NPAS3: variants seen among roughly 807,000 people sequenced by gnomAD.
NPAS3 encodes neuronal PAS domain-containing protein 3.
NPAS3 carries 14 observed loss-of-function variants against 73.1 expected under a neutral mutation model. The ratio of observed to expected loss-of-function variants is 0.19; its 90% CI spans 0.13 to 0.30. The LOEUF (loss-of-function observed/expected upper bound fraction) is 0.30. Ranked by LOEUF, NPAS3 falls within the 10% of genes least tolerant of loss-of-function variation. The pLI is 1.00. For synonymous variants in NPAS3, 620 were observed against 541.5 expected (o/e 1.14, Z -2.01); for missense variants, 1,096 against 1,250.0 (o/e 0.88, Z 1.86).
chr14:33,155,117 T>C (rs1203036207), intron 2 of NPAS3, among the ~76,000 whole-genome samples: 7 of 152,228 alleles, frequency 4.6e-5, no homozygotes, highest in African/African-American at 1.7e-4. Context: ...CATAGTTTGC[T>C]GATCTTGGTT....
chr14:32,974,887 AC>A (rs1460013053), intron 1 of NPAS3, among the ~76,000 whole-genome samples: 1 of 152,208 alleles, frequency 6.6e-6, no homozygotes, highest in Non-Finnish European at 1.5e-5. Context: ...TCAGTATCAA[AC>A]AAAAACAAAT....
chr14:33,180,356 G>A (rs994639514), intron 2 of NPAS3, among the ~76,000 whole-genome samples: 1 of 138,070 alleles, frequency 7.2e-6, no homozygotes, highest in Non-Finnish European at 1.6e-5. Flanking sequence ...CACTATCACT[G>A]CACCATTCTG....
At chr14:33,628,529 A>G (rs1472143854) in intron 5 of NPAS3, among the ~76,000 whole-genome samples, 1 of 152,224 alleles carries the variant, frequency 6.6e-6, no homozygotes, top group East Asian at 1.9e-4. Context: ...ATTTAGTTCA[A>G]TGAATGATGT....
At chr14:33,145,751 C>T (rs1280347307) in intron 2 of NPAS3, among the ~76,000 whole-genome samples, 1 of 152,144 alleles carries the variant, frequency 6.6e-6, no homozygotes, top group Non-Finnish European at 1.5e-5. Flanking sequence ...ATGCCTGGCT[C>T]TTTTCATTCA....
chr14:33,569,744 C>G (rs1411121593), intron 5 of NPAS3, among the ~76,000 whole-genome samples: 1 of 152,186 alleles, frequency 6.6e-6, no homozygotes, highest in Non-Finnish European at 1.5e-5. Flanking sequence ...TGTTCCTACT[C>G]TACTTTCTTC....
At chr14:33,609,647 G>T (rs1257912463) in intron 5 of NPAS3, among the ~76,000 whole-genome samples, 1 of 152,044 alleles carries the variant, frequency 6.6e-6, no homozygotes, top group Non-Finnish European at 1.5e-5. Context: ...GCATCAAGAA[G>T]CAAGTTCATC....
intron 1 of NPAS3, among the ~76,000 whole-genome samples, chr14:32,946,342 A>ACAGG (rs1555374386): frequency 1.1e-5 from 1 of 89,382 alleles, no homozygotes; most frequent in Non-Finnish European, 2.5e-5. Context: ...CAACACACAC[A>ACAGG]CACGCGCACA....
intron 3 of NPAS3, among the ~76,000 whole-genome samples, chr14:33,251,978 C>T (rs2048599851): frequency 6.6e-6 from 1 of 151,678 alleles, no homozygotes; most frequent in South Asian, 2.1e-4. Context: ...TATTCATGCC[C>T]CAGATTCATA....
At chr14:33,770,599 C>T (rs1181844129) in intron 7 of NPAS3, among the ~76,000 whole-genome samples, 2 of 152,148 alleles carry the variant, frequency 1.3e-5, no homozygotes, top group Non-Finnish European at 2.9e-5. Context: ...CAGGAAAATA[C>T]CTTTTGTTAA....
intron 2 of NPAS3, among the ~76,000 whole-genome samples, chr14:33,079,120 G>A (rs1013696182): frequency 1.3e-5 from 2 of 151,998 alleles, no homozygotes; most frequent in Non-Finnish European, 2.9e-5. Context: ...GCTTCAGATG[G>A]CTTTCTTCTG....
chr14:33,580,198 TTACATATGCACAAAGCAAC>T lies in NPAS3; in HGVS notation c.558+19991_558+20009del, dbSNP rs139454817. On this transcript the variant is annotated intron_variant, in intron 5 of 11. Coordinates refer to ENST00000356141, the Ensembl canonical transcript of NPAS3. ...CAAACCAGGTAAATGCTGAATGGGC[TTACATATGCACAAAGCAAC>T]TAAGGGTCAGAGAACCAGCTTCCTG... Among the ~76,000 whole-genome samples, 1,053 of 152,290 alleles carry T rather than the reference TTACATATGCACAAAGCAAC, an allele frequency of 6.9e-3. 48 individuals carry two copies. In the East Asian group the frequency reaches 0.16, roughly 23 times the overall value.
chr14:33,143,138 G>T (rs997447682), intron 2 of NPAS3, among the ~76,000 whole-genome samples: 1 of 151,022 alleles, frequency 6.6e-6, no homozygotes, highest in African/African-American at 2.4e-5. Context: ...CTTAAATCTT[G>T]TCTCCTTTAA....
chr14:33,370,727 G>C (rs1315271182), intron 4 of NPAS3, among the ~76,000 whole-genome samples: 1 of 152,148 alleles, frequency 6.6e-6, no homozygotes, highest in Non-Finnish European at 1.5e-5. Context: ...AGAGGTGTGT[G>C]AATGAAGAGG....
chr14:33,071,950 G>A (rs2041499808), intron 2 of NPAS3, among the ~76,000 whole-genome samples: 3 of 151,986 alleles, frequency 2.0e-5, no homozygotes, highest in Non-Finnish European at 4.4e-5. Flanking sequence ...GAGGGCATTG[G>A]TGCAACCTCA....
chr14:33,774,846 TG>T (rs892071869), intron 8 of NPAS3, among the ~76,000 whole-genome samples: 1 of 152,100 alleles, frequency 6.6e-6, no homozygotes, highest in African/African-American at 2.4e-5. Flanking sequence ...TGCAGTAAAA[TG>T]TATTGCCTGA....
chr14:33,247,501 G>GA (rs1457912127), intron 3 of NPAS3, among the ~76,000 whole-genome samples: 1 of 152,138 alleles, frequency 6.6e-6, no homozygotes. Context: ...TGCCACAGTG[G>GA]AAGCCCTTTA....
intron 4 of NPAS3, among the ~76,000 whole-genome samples, chr14:33,506,148 T>G (rs780669313): frequency 1.9e-4 from 29 of 152,038 alleles, no homozygotes; most frequent in Non-Finnish European, 3.1e-4. Flanking sequence ...GCCAAAATAC[T>G]ATACATTTAT....
At chr14:33,384,470 C>G (rs1347740107) in intron 4 of NPAS3, among the ~76,000 whole-genome samples, 5 of 151,122 alleles carry the variant, frequency 3.3e-5, no homozygotes, top group Admixed American at 2.6e-4. Flanking sequence ...TGGCTCACAC[C>G]TGTAATCCTA....
chr14:32,937,958 C>T (rs1305842363), upstream of NPAS3, among the ~76,000 whole-genome samples: 2 of 152,180 alleles, frequency 1.3e-5, no homozygotes, highest in Admixed American at 1.3e-4. Context: ...ACTGAGTAGC[C>T]AGCCTTTCTC....
Sources: gnomAD v4.1 joint callset for allele counts (sites outside exome capture counted in the v4.1 genomes callset) on GRCh38, gnomAD v4.1.1 for gene constraint, MANE v1.5 for transcripts, NCBI Gene and HGNC (gene_info 2026-07-23, HGNC 2026-07-21) for gene names.